CTTNBP2: variants seen among roughly 807,000 people sequenced by gnomAD.
CTTNBP2 encodes cortactin-binding protein 2.
CTTNBP2 carries 108 observed loss-of-function variants against 156.9 expected under a neutral mutation model. The ratio of observed to expected loss-of-function variants is 0.69; its 90% confidence interval spans 0.59 to 0.81. The LOEUF (loss-of-function observed/expected upper bound fraction) is 0.81. Ranked by LOEUF, CTTNBP2 falls within the 30% of genes least tolerant of loss-of-function variation. CTTNBP2 has a pLI of 0.00. For missense variants in CTTNBP2, 1,924 were observed against 2,035.4 expected (o/e 0.95, Z 1.05); for synonymous variants, 767 against 751.8 (o/e 1.02, Z -0.33).
chr7:117,838,327 G>A lies in CTTNBP2; in HGVS notation c.189+22882C>T, dbSNP rs1001611418. ...GTTCAGCTGCTGAGCTTCAATTTCC[G>A]ATCTCATAAAATGGGGCCTGTTATA... On this transcript the variant is annotated intron_variant, in intron 2 of 22. Transcript: ENST00000160373. 7.2e-5 allele frequency among the ~76,000 whole-genome samples: 11 copies of A among 152,196 alleles called. No homozygotes were observed. The South Asian group carries it at 1.2e-3, about 17-fold the overall frequency.
intron 2 of CTTNBP2, among the ~76,000 whole-genome samples, chr7:117,821,323 G>A (rs1800948860): frequency 6.6e-6 from 1 of 150,976 alleles, no homozygotes; most frequent in African/African-American, 2.4e-5. Flanking sequence ...TATGTTGGCT[G>A]TGTGGTTTTT....
At position 117,808,509 on chromosome 7, in the gene CTTNBP2, C is replaced by T. The variant is rs34676706; in HGVS notation, c.414+2256G>A. 9.6e-3 allele frequency among the ~76,000 whole-genome samples: 1,455 copies of T among 152,306 alleles called. 27 individuals are homozygous for T. Among genetic ancestry groups the T allele is most frequent in the African/African-American group, 0.033 (1,367 of 41,570 alleles). On this transcript the variant is annotated intron_variant, in intron 3 of 22. Transcript: ENST00000160373. Reference sequence around the variant, plus strand: ...TATTCGTAGTCGCAGCAGGAGCCAACGCATGAATGAGCACAGACCCTGTTC... The same window carrying T: ...TATTCGTAGTCGCAGCAGGAGCCAATGCATGAATGAGCACAGACCCTGTTC...
chr7:117,872,743 C>T (rs1804703296), intron 1 of CTTNBP2, among the ~76,000 whole-genome samples: 1 of 152,152 alleles, frequency 6.6e-6, no homozygotes, highest in Non-Finnish European at 1.5e-5. Flanking sequence ...CTGCTAGGAC[C>T]TAAAGCGCTG....
In CTTNBP2 at chr7:117,719,614, G is replaced by GTGAT. The variant is rs760285636; in HGVS notation, c.4530_4533dup (p.Leu1512IlefsTer16). 5.0e-6 allele frequency: 8 copies of GTGAT among 1,613,438 alleles called. No homozygotes were observed. The highest frequency in any genetic ancestry group is 2.2e-5 in the East Asian group (1 of 44,872). On this transcript the variant is annotated frameshift_variant, in exon 21 of 23. Coordinates refer to ENST00000160373, the MANE Select transcript of CTTNBP2 (RefSeq NM_033427.3). LOFTEE classifies it high-confidence loss of function. ...AGTCTCTGATCCAAATTCAACGTCA[G>GTGAT]TGATAGATCATTCTCTAAAGACCTA...
chr7:117,735,431 A>G lies in CTTNBP2; in HGVS notation c.3536-10T>C. On this transcript the variant is annotated splice_polypyrimidine_tract_variant and intron_variant, in intron 14 of 22. Coordinates refer to ENST00000160373, the MANE Select transcript of CTTNBP2 (RefSeq NM_033427.3). ...ACTGGGATCAGACAAGCTATAATAAAAAAGGAAATTCAGTGATTCAAGCTT... is the reference window on the plus strand; with the variant it reads ...ACTGGGATCAGACAAGCTATAATAAGAAAGGAAATTCAGTGATTCAAGCTT... 2 of 1,584,048 alleles carry G rather than the reference A, an allele frequency of 1.3e-6. No homozygotes were observed. The highest frequency in any genetic ancestry group is 8.5e-7 in the Non-Finnish European group (1 of 1,171,588).
At chr7:117,801,947 T>C (rs1193430787) in intron 3 of CTTNBP2, among the ~76,000 whole-genome samples, 5 of 152,028 alleles carry the variant, frequency 3.3e-5, no homozygotes, top group Non-Finnish European at 7.4e-5. Flanking sequence ...AGGGTACATG[T>C]GCACATTGTG....
chr7:117,726,949 C>T (rs1795125707), intron 17 of CTTNBP2, among the ~76,000 whole-genome samples: 1 of 152,050 alleles, frequency 6.6e-6, no homozygotes, highest in Non-Finnish European at 1.5e-5. Flanking sequence ...AATCTTGGGA[C>T]CTCCATAATT....
At chr7:117,833,801 T>C (rs922515410) in intron 2 of CTTNBP2, among the ~76,000 whole-genome samples, 4 of 152,230 alleles carry the variant, frequency 2.6e-5, no homozygotes, top group African/African-American at 7.2e-5. Flanking sequence ...ACTCAATGAA[T>C]TCTTCAATTA....
chr7:117,765,849 C>T (rs1384247987), intron 9 of CTTNBP2, among the ~76,000 whole-genome samples: 5 of 152,172 alleles, frequency 3.3e-5, no homozygotes, highest in Non-Finnish European at 5.9e-5. Flanking sequence ...ATCTCATTGG[C>T]TTATCTTTGA....
chr7:117,751,238 T>A (rs1257208666), intron 12 of CTTNBP2, among the ~76,000 whole-genome samples: 2 of 152,252 alleles, frequency 1.3e-5, no homozygotes, highest in African/African-American at 4.8e-5. Flanking sequence ...ACCTGTAATG[T>A]GTTTGCAGAG....
chr7:117,735,377 T>C lies in CTTNBP2; in HGVS notation c.3580A>G (p.Ile1194Val), dbSNP rs1237400824. ...TTTTCTAAATTTTCTAAAATGATGA[T>C]GATTTTCTTCTTACTGGGAGATTGT... ...VKQSPSKKKI[I>V]IILENLEKSS... The change falls in exon 15 of 23, where the codon ATC becomes GTC. Residue 1194 changes from isoleucine to valine, a missense_variant. Physicochemically the swap from Ile to Val is conservative, Grantham distance 29. Coordinates refer to ENST00000160373, the MANE Select transcript of CTTNBP2 (RefSeq NM_033427.3). 3.1e-6 allele frequency: 5 copies of C among 1,613,536 alleles called. No homozygotes were observed. The Admixed American group carries it at 6.7e-5, about 22-fold the overall frequency.
chr7:117,835,641 A>T, intron 2 of CTTNBP2, among the ~76,000 whole-genome samples: 1 of 152,182 alleles, frequency 6.6e-6, no homozygotes, highest in East Asian at 1.9e-4. Flanking sequence ...CCAATTTGAG[A>T]ATCATTCTTT....
intron 2 of CTTNBP2, among the ~76,000 whole-genome samples, chr7:117,831,344 C>T (rs1426247525): frequency 2.6e-5 from 4 of 152,100 alleles, no homozygotes; most frequent in Non-Finnish European, 5.9e-5. Context: ...TCTCTCCATC[C>T]AGTGTAGAGC....
At chr7:117,794,934 C>G (rs183266421) in intron 3 of CTTNBP2, among the ~76,000 whole-genome samples, 2 of 126,340 alleles carry the variant, frequency 1.6e-5, no homozygotes, top group Non-Finnish European at 3.1e-5. Context: ...GTCGCCCAGG[C>G]GGGACTGCGG....
At chr7:117,721,480 C>T (rs1794788330) in intron 19 of CTTNBP2, among the ~76,000 whole-genome samples, 1 of 152,144 alleles carries the variant, frequency 6.6e-6, no homozygotes, top group African/African-American at 2.4e-5. Flanking sequence ...CTCAAAGGAC[C>T]AAAAGAAGAT....
At chr7:117,868,386 C>T (rs1272814039) in intron 1 of CTTNBP2, among the ~76,000 whole-genome samples, 1 of 152,012 alleles carries the variant, frequency 6.6e-6, no homozygotes, top group Admixed American at 6.6e-5. Context: ...AACAAGTACT[C>T]ACTCTACACA....
chr7:117,825,263 C>T (rs557178859), intron 2 of CTTNBP2, among the ~76,000 whole-genome samples: 2 of 152,294 alleles, frequency 1.3e-5, no homozygotes, highest in Admixed American at 1.3e-4. Context: ...TTACTAGGTA[C>T]AAGGAAAAGT....
chr7:117,752,090 C>T (rs1275287573), intron 12 of CTTNBP2, among the ~76,000 whole-genome samples: 1 of 152,164 alleles, frequency 6.6e-6, no homozygotes. Context: ...GTCTTAGACA[C>T]ATAACTATCA....
rs775511909 is a variant in CTTNBP2 at position 117,784,413 on chromosome 7, G to A, written c.2110C>T (p.Pro704Ser). 1.9e-6 allele frequency: 3 copies of A among 1,600,766 alleles called. No individual in the cohort carries two copies. The highest frequency in any genetic ancestry group is 1.7e-6 in the Non-Finnish European group (2 of 1,173,116). ...SLTPLLMSGG[P>S]APLAGRPTLL... ...GTGGGCCTGCCAGCCAGGGGGGCAG[G>A]ACCACCACTCATTAGCAAAGGGGTT... Residue 704 changes from proline to serine, a missense_variant, in exon 5 of 23, where the codon CCT (proline) becomes TCT (serine). Physicochemically the swap from Pro to Ser is moderately conservative, Grantham distance 74. Transcript: ENST00000160373.
Sources: allele counts gnomAD v4.1 joint callset (sites outside exome capture counted in the v4.1 genomes callset), GRCh38; gene constraint gnomAD v4.1.1; transcripts MANE v1.5; gene names NCBI Gene and HGNC (gene_info 2026-07-23, HGNC 2026-07-21).